MORC1: variants seen among roughly 807,000 people sequenced by gnomAD.
MORC1 encodes the protein MORC family CW-type zinc finger 1.
A neutral mutation model predicts 134.9 loss-of-function variants in MORC1; 59 were observed. The ratio of observed to expected loss-of-function variants is 0.44; its 90% CI spans 0.35 to 0.54. MORC1 has a LOEUF of 0.54. Ranked by LOEUF, MORC1 falls within the 20% of genes least tolerant of loss-of-function variation. The pLI is 0.00. For synonymous variants in MORC1, 395 were observed against 391.7 expected (o/e 1.01, Z -0.10); for missense variants, 947 against 1,134.5 (o/e 0.83, Z 2.37).
intron 17 of MORC1, among the ~76,000 whole-genome samples, chr3:109,010,780 T>C (rs1948663855): frequency 6.6e-6 from 1 of 152,248 alleles, no homozygotes; most frequent in African/African-American, 2.4e-5. Flanking sequence ...TCTTGACTTC[T>C]TTCACTTAGA....
intron 3 of MORC1, among the ~76,000 whole-genome samples, chr3:109,108,238 TTTTG>T (rs1290989798): frequency 6.6e-6 from 1 of 152,140 alleles, no homozygotes; most frequent in Non-Finnish European, 1.5e-5. Context: ...CAAGATCTTA[TTTTG>T]TTTGTTTATG....
intron 23 of MORC1, among the ~76,000 whole-genome samples, chr3:108,983,695 T>A (rs1164008447): frequency 1.3e-5 from 2 of 152,168 alleles, no homozygotes; most frequent in Non-Finnish European, 2.9e-5. Context: ...TACAATATAA[T>A]CTCATCATTG....
At chr3:109,099,598 G>T in intron 5 of MORC1, 132 bp from the exon 6 acceptor site, 1 of 622,868 alleles carries the variant, frequency 1.6e-6, no homozygotes, top group Non-Finnish European at 2.5e-6. Flanking sequence ...CCGTCATCAA[G>T]AGGGTACAAT....
At chr3:109,089,127 G>A (rs1206697419) in intron 8 of MORC1, among the ~76,000 whole-genome samples, 1 of 152,070 alleles carries the variant, frequency 6.6e-6, no homozygotes, top group Non-Finnish European at 1.5e-5. Flanking sequence ...CTTAATACCT[G>A]AGTGATGAAA....
At chr3:109,011,406 G>A (rs945439143) in intron 17 of MORC1, among the ~76,000 whole-genome samples, 11 of 152,084 alleles carry the variant, frequency 7.2e-5, no homozygotes, top group African/African-American at 2.4e-4. Flanking sequence ...AATGATTAAC[G>A]AAATTGACTT....
At chr3:109,109,622 A>G (rs4855693) in intron 3 of MORC1, 72,250 of 152,102 alleles carry the variant, frequency 0.48, 20,326 homozygotes, top group East Asian at 0.9. Context: ...ATGGAAGGGA[A>G]GATGACTTTT....
At chr3:108,970,674 C>G (rs748251867) in intron 25 of MORC1, among the ~76,000 whole-genome samples, 1 of 152,158 alleles carries the variant, frequency 6.6e-6, no homozygotes, top group African/African-American at 2.4e-5. Context: ...GGAGAAAAGG[C>G]CTCCCACCCT....
At chr3:109,073,458 T>C (rs968176611) in intron 8 of MORC1, among the ~76,000 whole-genome samples, 2 of 152,148 alleles carry the variant, frequency 1.3e-5, no homozygotes, top group African/African-American at 4.8e-5. Context: ...CAGGGTAGTA[T>C]GTAAGGCAGG....
At chr3:109,031,425 C>T (rs910730667) in intron 16 of MORC1, among the ~76,000 whole-genome samples, 2 of 152,172 alleles carry the variant, frequency 1.3e-5, no homozygotes, top group Admixed American at 1.3e-4. Flanking sequence ...CCCAGGCAGT[C>T]TGTCTCCAGA....
At chr3:109,097,344 T>C (rs1950848323) in intron 6 of MORC1, among the ~76,000 whole-genome samples, 1 of 152,236 alleles carries the variant, frequency 6.6e-6, no homozygotes. Context: ...CAAGCCCAAC[T>C]ACCATTAAGT....
chr3:109,031,671 A>G (rs1949244288), intron 16 of MORC1, among the ~76,000 whole-genome samples: 1 of 152,172 alleles, frequency 6.6e-6, no homozygotes, highest in African/African-American at 2.4e-5. Context: ...TTCCAAAATA[A>G]AGAAGAATAG....
intron 20 of MORC1, 147 bp from the exon 21 acceptor site, chr3:109,000,805 T>A: frequency 1.7e-6 from 1 of 599,048 alleles, no homozygotes. Context: ...TCTTTGTGTA[T>A]GATAAGCGCT....
At chr3:109,117,092 C>A (rs1253478972) in intron 1 of MORC1, among the ~76,000 whole-genome samples, 3 of 152,122 alleles carry the variant, frequency 2.0e-5, no homozygotes. Context: ...CCTCAGCTAC[C>A]TTTTAACTTT....
chr3:109,000,507 T>C (rs752967738), intron 21 of MORC1, 50 bp downstream of exon 21: 5 of 1,372,730 alleles, frequency 3.6e-6, no homozygotes, highest in Non-Finnish European at 5.1e-6. Context: ...CCTCTAATCT[T>C]TGTGAATATG....
At chr3:109,116,932 G>A (rs1215483779) in intron 1 of MORC1, among the ~76,000 whole-genome samples, 4 of 152,192 alleles carry the variant, frequency 2.6e-5, no homozygotes, top group East Asian at 1.9e-4. Flanking sequence ...GTGGTTTGGG[G>A]GAATGGAGGT....
At chr3:109,086,747 T>C (rs1171463885) in intron 8 of MORC1, among the ~76,000 whole-genome samples, 3 of 152,064 alleles carry the variant, frequency 2.0e-5, no homozygotes, top group African/African-American at 7.3e-5. Flanking sequence ...CCATCCCTTA[T>C]CTGAAATGCT....
At chr3:109,077,263 C>T (rs1009221977) in intron 8 of MORC1, among the ~76,000 whole-genome samples, 2 of 151,984 alleles carry the variant, frequency 1.3e-5, no homozygotes, top group Non-Finnish European at 1.5e-5. Flanking sequence ...AGCAAATTGA[C>T]TAATAAATCC....
intron 23 of MORC1, among the ~76,000 whole-genome samples, chr3:108,980,427 A>C (rs1947683598): frequency 6.6e-6 from 1 of 152,134 alleles, no homozygotes; most frequent in Non-Finnish European, 1.5e-5. Context: ...CCAGTAGATA[A>C]GGCACCAAGC....
rs1028926269 is a variant in MORC1 at position 109,114,409 on chromosome 3, G to A, written c.94C>T (p.Leu32=). 10 of 1,613,190 alleles carry A rather than the reference G, an allele frequency of 6.2e-6. No individual in the cohort carries two copies. Among genetic ancestry groups the A allele is most frequent in the Non-Finnish European group, 8.5e-6 (10 of 1,179,610 alleles). Residue 32 remains leucine, a synonymous_variant, in exon 2 of 28, where the codon CTG becomes TTG. Transcript: ENST00000232603. ...STTHSFLFGA[L]AELLDNARDA... ...CTTGCATTGTCCAGCAATTCAGCCA[G>A]TGCTCCAAAAAGGAAACTGTGAGTG...
Sources: gnomAD v4.1 joint callset for allele counts (sites outside exome capture counted in the v4.1 genomes callset) on GRCh38, gnomAD v4.1.1 for gene constraint, MANE v1.5 for transcripts, NCBI Gene and HGNC (gene_info 2026-07-23, HGNC 2026-07-21) for gene names.